ADAM28: variants seen among roughly 807,000 people sequenced by gnomAD.
The protein encoded by ADAM28 is ADAM metallopeptidase domain 28.
ADAM28 carries 105 observed loss-of-function variants against 101.2 expected under a neutral mutation model. The ratio of observed to expected loss-of-function variants is 1.04; its 90% CI spans 0.89 to 1.22. The LOEUF (loss-of-function observed/expected upper bound fraction) is 1.22. ADAM28 is among the 50% of genes most tolerant of loss of function. ADAM28 has a pLI of 0.00. For synonymous variants in ADAM28, 322 were observed against 310.6 expected, an observed-to-expected ratio of 1.04 and a Z score of -0.39; for missense variants, 1,028 against 945.4, an observed-to-expected ratio of 1.09 and a Z score of -1.15.
intron 16 of ADAM28, chr8:24,342,826 C>T: frequency 2.6e-6 from 1 of 389,022 alleles, no homozygotes; most frequent in Non-Finnish European, 4.6e-6. Context: ...ATTGCTTATC[C>T]CTTAACTTCT....
intron 6 of ADAM28, among the ~76,000 whole-genome samples, chr8:24,315,104 G>T (rs1234640298): frequency 4.0e-5 from 6 of 151,840 alleles, no homozygotes; most frequent in African/African-American, 1.4e-4. Context: ...GAATGTAAAT[G>T]GATTAAATTT....
chr8:24,306,574 A>C (rs1053553447), intron 2 of ADAM28, among the ~76,000 whole-genome samples: 4 of 151,710 alleles, frequency 2.6e-5, no homozygotes, highest in Non-Finnish European at 5.9e-5. Context: ...ACATTTAGCA[A>C]ACAGAAATAT....
chr8:24,312,515 T>C (rs1351443209), intron 5 of ADAM28, among the ~76,000 whole-genome samples: 3 of 152,130 alleles, frequency 2.0e-5, no homozygotes, highest in African/African-American at 7.2e-5. Context: ...ACCATTGCAA[T>C]AAACCCCATA....
intron 2 of ADAM28, among the ~76,000 whole-genome samples, chr8:24,304,886 A>T (rs1809339309): frequency 6.6e-6 from 1 of 151,002 alleles, no homozygotes; most frequent in African/African-American, 2.4e-5. Context: ...TTTGCACTCC[A>T]ACCTGGGCAA....
chr8:24,319,918 G>T (rs1332414661), intron 6 of ADAM28, among the ~76,000 whole-genome samples: 1 of 151,928 alleles, frequency 6.6e-6, no homozygotes, highest in African/African-American at 2.4e-5. Context: ...TCTATTTTGT[G>T]TCAGGATGGT....
chr8:24,325,887 A>AACAAACAAAC (rs1554514066), intron 9 of ADAM28, among the ~76,000 whole-genome samples: 8,746 of 135,820 alleles, frequency 0.064, 390 homozygotes, highest in East Asian at 0.17. Context: ...AAAAAAAAAA[A>AACAAACAAAC]AAAAAAAAAA....
intron 13 of ADAM28, among the ~76,000 whole-genome samples, chr8:24,335,009 T>C (rs368092329): frequency 3.3e-5 from 5 of 152,350 alleles, no homozygotes; most frequent in South Asian, 2.1e-4. Context: ...CCGAGTCTGC[T>C]GATCTGGTGC....
chr8:24,313,336 A>T, intron 5 of ADAM28, 52 bp from the exon 6 acceptor site: 1 of 1,515,034 alleles, frequency 6.6e-7, no homozygotes, highest in East Asian at 2.3e-5. Context: ...AATCTGTATG[A>T]ACCTAATGCA....
intron 21 of ADAM28, among the ~76,000 whole-genome samples, chr8:24,352,825 C>G (rs1448564998): frequency 6.6e-6 from 1 of 152,124 alleles, no homozygotes; most frequent in African/African-American, 2.4e-5. Flanking sequence ...TTTCAGGACC[C>G]TATCTTTGAA....
Position 24,355,534 on chromosome 8 carries a change from T to TAAGA in ADAM28, c.*1131_*1134dup, listed in dbSNP as rs765863971. The TAAGA allele has an allele frequency of 3.3e-5, 5 of 151,904 alleles. No homozygotes were observed. The highest frequency in any genetic ancestry group is 7.4e-5 in the Non-Finnish European group (5 of 67,964). 9.4% of individuals were successfully genotyped at this position (151,904 alleles called of 1,614,324 possible). On this transcript the variant is annotated 3_prime_UTR_variant, in exon 23 of 23. Transcript: ENST00000265769. The stretch of plus-strand genomic sequence containing the variant: ...CCCCCTCCCTTTTTTTTTTTGCTAG[T>TAAGA]AAGACGACAGAGGAATTATGTTACA...
In ADAM28 at chr8:24,311,367, T is replaced by A. The variant is rs144193683; in HGVS notation, c.313T>A (p.Cys105Ser). 4.3e-5 allele frequency: 69 copies of A among 1,612,464 alleles called. No individual in the cohort carries two copies. In the African/African-American group the frequency reaches 8.5e-4, roughly 20 times the overall value. Residue 105 changes from cysteine (C) to serine (S), a missense_variant, in exon 5 of 23, where the codon TGT (cysteine) becomes AGT (serine). By Grantham distance (112) the Cys-to-Ser change is moderately radical (BLOSUM62 -1). Coordinates refer to ENST00000265769, the MANE Select transcript of ADAM28 (RefSeq NM_014265.6). Reference sequence around the variant, plus strand: ...AAAACCCCTTTTCCTTTAGGATGATTGTTATTATCAAGGACATATTCTTAA... The same window carrying A: ...AAAACCCCTTTTCCTTTAGGATGATAGTTATTATCAAGGACATATTCTTAA... ...ITTSPQIMDD[C>S]YYQGHILNEK...
chr8:24,327,827 C>T (rs1812824756), intron 10 of ADAM28, among the ~76,000 whole-genome samples: 1 of 151,878 alleles, frequency 6.6e-6, no homozygotes, highest in Non-Finnish European at 1.5e-5. Flanking sequence ...GAAAAATGTA[C>T]AGATTTTTTA....
chr8:24,294,361 C>T (rs758960989), intron 1 of ADAM28, among the ~76,000 whole-genome samples, 166 bp downstream of exon 1: 20 of 152,040 alleles, frequency 1.3e-4, no homozygotes, highest in Non-Finnish European at 2.5e-4. Context: ...TTGGGGGCTG[C>T]GAGTGATACA....
At chr8:24,341,883 G>C (rs1343136747) in intron 16 of ADAM28, 126 bp downstream of exon 16, 1 of 1,121,650 alleles carries the variant, frequency 8.9e-7, no homozygotes, top group African/African-American at 1.6e-5. Flanking sequence ...TGCCTTAATA[G>C]AACCCACAGA....
rs990503773 is a variant in ADAM28 at position 24,335,613 on chromosome 8, G to A, written c.1539G>A (p.Gln513=). 2.5e-6 allele frequency: 4 copies of A among 1,612,664 alleles called. No individual in the cohort carries two copies. Among genetic ancestry groups the A allele is most frequent in the Non-Finnish European group, 3.4e-6 (4 of 1,179,254 alleles). Residue 513 remains glutamine (Q), a synonymous_variant, in exon 14 of 23, where the codon CAG becomes CAA. Transcript: ENST00000265769. The stretch of plus-strand genomic sequence containing the variant: ...TGATGGGGACATGCCCCACACTGCA[G>A]GAGCAGTGCACAGAGCTGTGGGGAC... ...HCLMGTCPTL[Q]EQCTELWGPG...
intron 2 of ADAM28, among the ~76,000 whole-genome samples, chr8:24,305,339 C>T (rs942671279): frequency 1.3e-5 from 2 of 150,010 alleles, no homozygotes; most frequent in Non-Finnish European, 3.0e-5. Flanking sequence ...GTGTCAGGAG[C>T]GATGGTGTGT....
chr8:24,344,763 T>C (rs1284109683), intron 18 of ADAM28, among the ~76,000 whole-genome samples: 1 of 152,150 alleles, frequency 6.6e-6, no homozygotes, highest in East Asian at 1.9e-4. Context: ...CCTTTTAAAC[T>C]ATGACTTTCT....
chr8:24,335,473 C>A lies in ADAM28; in HGVS notation c.1399C>A (p.Pro467Thr). Residue 467 changes from proline (P) to threonine (T), a missense_variant, in exon 14 of 23, where the codon CCA (proline) becomes ACA (threonine). Physicochemically the swap from Pro to Thr is conservative, Grantham distance 38. Coordinates refer to ENST00000265769, the MANE Select transcript of ADAM28 (RefSeq NM_014265.6). ...QFKKAGMVCR[P>T]AKDECDLPEM... Reference sequence around the variant, plus strand: ...TAAAAAGGCTGGGATGGTGTGCAGACCAGCAAAAGATGAGTGCGACCTGCC... The same window carrying A: ...TAAAAAGGCTGGGATGGTGTGCAGAACAGCAAAAGATGAGTGCGACCTGCC... 1 of 1,613,364 alleles carries A rather than the reference C, an allele frequency of 6.2e-7. No individual in the cohort carries two copies. Among genetic ancestry groups the A allele is most frequent in the Non-Finnish European group, 8.5e-7 (1 of 1,179,634 alleles).
intron 2 of ADAM28, among the ~76,000 whole-genome samples, chr8:24,301,387 G>A (rs906221319): frequency 2.0e-5 from 3 of 151,972 alleles, no homozygotes; most frequent in African/African-American, 7.3e-5. Flanking sequence ...TTATCTGGGT[G>A]ACAAAGTAAT....
Sources: gnomAD v4.1 joint callset for allele counts (sites outside exome capture counted in the v4.1 genomes callset) on GRCh38, gnomAD v4.1.1 for gene constraint, MANE v1.5 for transcripts, NCBI Gene and HGNC (gene_info 2026-07-23, HGNC 2026-07-21) for gene names.